TRIM3: variants seen among roughly 807,000 people sequenced by gnomAD.
TRIM3 encodes the protein tripartite motif-containing protein 3.
A neutral mutation model predicts 66.6 loss-of-function variants in TRIM3; 13 were observed. The ratio of observed to expected loss-of-function variants is 0.20; its 90% CI spans 0.13 to 0.31. The LOEUF (loss-of-function observed/expected upper bound fraction) is 0.31. TRIM3 is among the 10% of genes least tolerant of loss of function. The probability of loss-of-function intolerance (pLI) is 1.00; values close to 1 mark genes in which losing one functional copy is unlikely to be tolerated. For missense variants in TRIM3, 711 were observed against 1,020.4 expected (o/e 0.70, Z 4.13); for synonymous variants, 406 against 411.7 (o/e 0.99, Z 0.17).
Position 6,457,347 on chromosome 11 carries a change from G to T in TRIM3, c.645C>A (p.Arg215=). The T allele has an allele frequency of 6.2e-7, 1 of 1,614,174 alleles. No homozygotes were observed. Among genetic ancestry groups the T allele is most frequent in the Non-Finnish European group, 8.5e-7 (1 of 1,180,044 alleles). Residue 215 remains arginine, a synonymous_variant, in exon 5 of 12, where the codon CGC becomes CGA. Coordinates refer to ENST00000345851, the MANE Select transcript of TRIM3 (RefSeq NM_033278.4). This position sits in a 1 kb window ranked among gnomAD's most constrained non-coding sequence, Gnocchi z 4.5. ...CCAGGTCGCTGACCAGAGCCTGCTT[G>T]CGCTGCTGCAGTGCTTGCTCCAGGT... The part of the protein sequence containing the change: ...FEDLEQALQQ[R]KQALVSDLET...
In TRIM3 at chr11:6,451,063, G is replaced by A. The variant is rs1564961499; in HGVS notation, c.1702-3C>T. On this transcript the variant is annotated splice_region_variant and splice_polypyrimidine_tract_variant and intron_variant, in intron 8 of 11. Coordinates refer to ENST00000345851, the MANE Select transcript of TRIM3 (RefSeq NM_033278.4). The stretch of plus-strand genomic sequence containing the variant: ...AGGCGGCCAGCTCCAATCTTGGTCT[G>A]GAGGAAGAGAATATCCATAAGAGGC... The A allele has an allele frequency of 1.2e-6, 2 of 1,613,942 alleles. No homozygotes were observed. The highest frequency in any genetic ancestry group is 8.5e-7 in the Non-Finnish European group (1 of 1,179,908).
chr11:6,451,468 G>C, intron 7 of TRIM3, 30 bp from the exon 8 acceptor site: 1 of 1,611,056 alleles, frequency 6.2e-7, no homozygotes, highest in Non-Finnish European at 8.5e-7. Flanking sequence ...GGAGGGAGCA[G>C]GTAGGAGGGG....
In TRIM3 at chr11:6,456,119, T is replaced by C. The variant is rs1849955212; in HGVS notation, c.1486A>G (p.Ser496Gly). 1 of 1,614,214 alleles carries C rather than the reference T, an allele frequency of 6.2e-7. No individual in the cohort carries two copies. Among genetic ancestry groups the C allele is most frequent in the African/African-American group, 1.3e-5 (1 of 75,046 alleles). The change falls in exon 7 of 12, where the codon AGC (serine) becomes GGC (glycine). Residue 496 changes from serine to glycine, a missense_variant. By Grantham distance (56) the Ser-to-Gly change is moderately conservative. Transcript: ENST00000345851. The surrounding 1 kb of genome is among the most constrained non-coding windows in gnomAD (Gnocchi z 6.4). Reference sequence around the variant, plus strand: ...TCTGCTACCACGATGCGGCCGCTGCTGGCTGCGGACACACCTTGTAAATTG... The same window carrying C: ...TCTGCTACCACGATGCGGCCGCTGCCGGCTGCGGACACACCTTGTAAATTG... ...FTNLQGVSAA[S>G]SGRIVVADSN...
rs1405174896 is a variant in TRIM3, at chr11:6,457,439, C to T, written c.553G>A (p.Gly185Ser). ...CGCTCCTGCAGCTGCTGGCTGATGCCCCCGACTAAGGCAATTGCTGCGGAC... is the reference window on the plus strand; with the variant it reads ...CGCTCCTGCAGCTGCTGGCTGATGCTCCCGACTAAGGCAATTGCTGCGGAC... ...QLSAAIALVG[G>S]ISQQLQERKA... is the part of the protein sequence containing the mutation. The change falls in exon 5 of 12, where the codon GGC (glycine) becomes AGC (serine). Residue 185 changes from glycine to serine, a missense_variant. Physicochemically the swap from Gly to Ser is moderately conservative, Grantham distance 56 (BLOSUM62 0). This residue lies in a region of TRIM3 where 399 missense variants were observed against 458.1 expected (regional missense o/e 0.87). Coordinates refer to ENST00000345851, the MANE Select transcript of TRIM3 (RefSeq NM_033278.4). The surrounding 1 kb of genome is among the most constrained non-coding windows in gnomAD (Gnocchi z 4.5). The T allele has an allele frequency of 3.1e-6, 5 of 1,613,200 alleles. No homozygotes were observed. Among genetic ancestry groups the T allele is most frequent in the Non-Finnish European group, 4.2e-6 (5 of 1,180,036 alleles).
chr11:6,474,453 GAGA>G (rs1850860185), upstream of TRIM3: 1 of 152,276 alleles, frequency 6.6e-6, no homozygotes. Context: ...AGAACTCTGG[GAGA>G]AGGAGTTAAG....
intron 1 of TRIM3, among the ~76,000 whole-genome samples, chr11:6,468,005 C>T (rs924791475): frequency 1.8e-4 from 27 of 151,992 alleles, no homozygotes; most frequent in African/African-American, 6.5e-4. Context: ...ATTCATTGGC[C>T]GAGCAAGGTG....
At chr11:6,452,392 G>A (rs191549566) in intron 7 of TRIM3, 1 of 152,322 alleles carries the variant, frequency 6.6e-6, no homozygotes, top group African/African-American at 2.4e-5. Flanking sequence ...ACTCTGCTTT[G>A]TTATAGGCTC....
chr11:6,462,103 C>CCT (rs1404780118), intron 2 of TRIM3, among the ~76,000 whole-genome samples: 7 of 152,214 alleles, frequency 4.6e-5, no homozygotes, highest in Non-Finnish European at 1.0e-4. Flanking sequence ...TCCTTCTTAT[C>CCT]CTCAGAACTC....
chr11:6,454,129 AGC>A (rs1564963610), intron 7 of TRIM3, among the ~76,000 whole-genome samples: 1 of 152,242 alleles, frequency 6.6e-6, no homozygotes, highest in Non-Finnish European at 1.5e-5. Flanking sequence ...CTGTAATCCC[AGC>A]ACTTTCAGAG....
chr11:6,449,450 G>C lies in TRIM3; in HGVS notation c.1942-4C>G. The C allele has an allele frequency of 6.2e-7, 1 of 1,612,680 alleles. No homozygotes were observed. Among genetic ancestry groups the C allele is most frequent in the Non-Finnish European group, 8.5e-7 (1 of 1,179,134 alleles). ...ACTCTCCATCGGCACTGTACACCTG[G>C]CGGGGGAAGGGGCTAGGGACTGGGG... On this transcript the variant is annotated splice_polypyrimidine_tract_variant and splice_region_variant and intron_variant, in intron 10 of 11. Transcript: ENST00000345851. This position sits in a 1 kb window ranked among gnomAD's most constrained non-coding sequence, Gnocchi z 5.3.
intron 1 of TRIM3, 51 bp from the exon 2 acceptor site, chr11:6,465,783 C>T (rs1850439924): frequency 6.6e-7 from 1 of 1,521,760 alleles, no homozygotes. Flanking sequence ...CTTCTCCCCA[C>T]CCAATCCCCG....
chr11:6,465,298 G>T (rs998261649), intron 2 of TRIM3, among the ~76,000 whole-genome samples: 1 of 152,168 alleles, frequency 6.6e-6, no homozygotes, highest in African/African-American at 2.4e-5. Context: ...GTCAAAAGCT[G>T]CCTTGAGGTT....
rs542745367 is a variant in TRIM3 at position 6,457,870 on chromosome 11, G to A, written c.364-23C>T. On this transcript the variant is annotated intron_variant, in intron 3 of 11. Coordinates refer to ENST00000345851, the MANE Select transcript of TRIM3 (RefSeq NM_033278.4). The surrounding 1 kb of genome is among the most constrained non-coding windows in gnomAD (Gnocchi z 4.5). ...CGTCTGCGGTACAAGGACTCCAGTC[G>A]GGTAATGGCTAGACATCACACTTCT... 1.7e-5 allele frequency: 27 copies of A among 1,613,706 alleles called. No homozygotes were observed. The highest frequency in any genetic ancestry group is 1.1e-4 in the East Asian group (5 of 44,882).
At chr11:6,461,414 T>C (rs1206865244) in intron 2 of TRIM3, among the ~76,000 whole-genome samples, 1 of 152,156 alleles carries the variant, frequency 6.6e-6, no homozygotes, top group East Asian at 1.9e-4. Flanking sequence ...TCTGCTAACC[T>C]AATGGTTGCC....
At position 6,450,414 on chromosome 11, in the gene TRIM3, C is replaced by G. The variant is rs1335009055; in HGVS notation, c.1941+137G>C. On this transcript the variant is annotated intron_variant, in intron 10 of 11. Transcript: ENST00000345851. The surrounding 1 kb of genome is among the most constrained non-coding windows in gnomAD (Gnocchi z 4.8). ...AGCATACTGCCTGGGACAAAGCAGC[C>G]ATGCATAAATGTGTAAATGTGTATT... The G allele has an allele frequency of 9.4e-6, 7 of 747,108 alleles. No homozygotes were observed. In the Admixed American group the frequency reaches 1.5e-4, roughly 16 times the overall value. 46.3% of individuals were successfully genotyped at this position (747,108 alleles called of 1,614,324 possible).
intron 7 of TRIM3, among the ~76,000 whole-genome samples, chr11:6,455,729 G>A (rs950817482): frequency 6.6e-6 from 1 of 152,200 alleles, no homozygotes; most frequent in East Asian, 1.9e-4. Context: ...GAGAAAAAGG[G>A]AGAAAGTAAG....
Position 6,465,506 on chromosome 11 carries a change from G to A in TRIM3, c.131+59C>T. 3 of 1,600,704 alleles carry A rather than the reference G, an allele frequency of 1.9e-6. No homozygotes were observed. The South Asian group carries it at 3.3e-5, about 18-fold the overall frequency. On this transcript the variant is annotated intron_variant, in intron 2 of 11. Coordinates refer to ENST00000345851, the MANE Select transcript of TRIM3 (RefSeq NM_033278.4). ...CTCCCTCACCCTCCCCACAGGGGAG[G>A]AGGATCCTCATCCTCCCCACAGGGT...
chr11:6,451,072 G>A lies in TRIM3; in HGVS notation c.1702-12C>T. On this transcript the variant is annotated splice_polypyrimidine_tract_variant and intron_variant, in intron 8 of 11. Coordinates refer to ENST00000345851, the MANE Select transcript of TRIM3 (RefSeq NM_033278.4). ...GCTCCAATCTTGGTCTGGAGGAAGAGAATATCCATAAGAGGCTTTATTCTG... is the reference window on the plus strand; with the variant it reads ...GCTCCAATCTTGGTCTGGAGGAAGAAAATATCCATAAGAGGCTTTATTCTG... 1 of 1,613,928 alleles carries A rather than the reference G, an allele frequency of 6.2e-7. No homozygotes were observed. Among genetic ancestry groups the A allele is most frequent in the Non-Finnish European group, 8.5e-7 (1 of 1,179,790 alleles).
At chr11:6,451,913 G>A (rs1849739076) in intron 7 of TRIM3, 1 of 156,892 alleles carries the variant, frequency 6.4e-6, no homozygotes, top group Admixed American at 6.3e-5. Context: ...ACATTTCTAG[G>A]CATAGCAGTG....
Sources: allele counts gnomAD v4.1 joint callset (sites outside exome capture counted in the v4.1 genomes callset), GRCh38; gene constraint gnomAD v4.1.1; regional missense constraint gnomAD v4.1.1; non-coding constraint Gnocchi (gnomAD v3.1); transcripts MANE v1.5; gene names NCBI Gene and HGNC (gene_info 2026-07-23, HGNC 2026-07-21).